Variants in TMEM132B observed in about 807,000 individuals in gnomAD.
The protein encoded by TMEM132B is transmembrane protein 132B.
TMEM132B carries 18 observed loss-of-function variants against 90.8 expected under a neutral mutation model. The ratio of observed to expected loss-of-function variants is 0.20; its 90% CI spans 0.14 to 0.29. The LOEUF is 0.29. Among genes scored for constraint, TMEM132B ranks in the 10% least tolerant of loss-of-function variants. The pLI is 1.00. For synonymous variants in TMEM132B, 504 were observed against 523.3 expected, an observed-to-expected ratio of 0.96 and a Z score of 0.50; for missense variants, 1,096 against 1,326.8, an observed-to-expected ratio of 0.83 and a Z score of 2.70.
chr12:125,218,585 G>A (rs144425597), intron 1 of TMEM132B, among the ~76,000 whole-genome samples: 10 of 152,140 alleles, frequency 6.6e-5, no homozygotes, highest in Middle Eastern at 3.4e-3. Flanking sequence ...GTTGTGACTC[G>A]GATTTGGTTG....
intron 4 of TMEM132B, among the ~76,000 whole-genome samples, chr12:125,540,658 C>T (rs544708667): frequency 3.3e-5 from 5 of 152,326 alleles, no homozygotes; most frequent in African/African-American, 7.2e-5. Flanking sequence ...CCAGACTTTT[C>T]AGGACCTCTA....
chr12:125,391,390 G>T (rs1334106252), intron 2 of TMEM132B, among the ~76,000 whole-genome samples: 2 of 152,218 alleles, frequency 1.3e-5, no homozygotes, highest in Non-Finnish European at 2.9e-5. Context: ...TTAGTTGCCA[G>T]CTTTCCATAG....
At chr12:125,207,642 C>T (rs1873213263) in intron 1 of TMEM132B, among the ~76,000 whole-genome samples, 1 of 152,164 alleles carries the variant, frequency 6.6e-6, no homozygotes, top group Non-Finnish European at 1.5e-5. Context: ...GCATCGAGCA[C>T]ATTCTCACTG....
chr12:125,254,059 G>T (rs982518486), intron 1 of TMEM132B, among the ~76,000 whole-genome samples: 4 of 152,158 alleles, frequency 2.6e-5, no homozygotes, highest in Admixed American at 2.6e-4. Flanking sequence ...GGAGGCCGAG[G>T]CGGGAGGATT....
chr12:125,625,355 T>G (rs1792178114), intron 5 of TMEM132B, among the ~76,000 whole-genome samples: 1 of 151,934 alleles, frequency 6.6e-6, no homozygotes, highest in Admixed American at 6.6e-5. Flanking sequence ...GGATGGTCTC[T>G]ATCTCGTGAC....
intron 3 of TMEM132B, among the ~76,000 whole-genome samples, chr12:125,486,713 C>G (rs571185632): frequency 6.6e-6 from 1 of 152,290 alleles, no homozygotes; most frequent in South Asian, 2.1e-4. Flanking sequence ...TCTGAGGGTT[C>G]GGTCACTGTA....
At chr12:125,191,144 T>G (rs1334491350) in intron 1 of TMEM132B, among the ~76,000 whole-genome samples, 2 of 86,602 alleles carry the variant, frequency 2.3e-5, no homozygotes, top group Non-Finnish European at 4.4e-5. Context: ...GGGAAAGGGG[T>G]GGTGATGGTG....
intron 3 of TMEM132B, among the ~76,000 whole-genome samples, chr12:125,487,376 A>T (rs1593170301): frequency 2.0e-5 from 3 of 152,314 alleles, no homozygotes; most frequent in Admixed American, 2.0e-4. Flanking sequence ...TAGGGTAATT[A>T]ATGTTAGCTG....
intron 3 of TMEM132B, among the ~76,000 whole-genome samples, chr12:125,481,827 G>A (rs1314361243): frequency 1.3e-5 from 2 of 152,140 alleles, no homozygotes; most frequent in Admixed American, 6.5e-5. Context: ...AAAGCTGGAG[G>A]CATCGCACTA....
intron 3 of TMEM132B, among the ~76,000 whole-genome samples, chr12:125,425,626 C>T (rs1880295660): frequency 1.3e-5 from 2 of 152,210 alleles, no homozygotes; most frequent in Non-Finnish European, 2.9e-5. Context: ...CCCTGAACTC[C>T]TGGCAACCAC....
At chr12:125,247,200 G>A (rs976313419) in intron 1 of TMEM132B, among the ~76,000 whole-genome samples, 3 of 152,160 alleles carry the variant, frequency 2.0e-5, no homozygotes, top group African/African-American at 7.2e-5. Context: ...TGAACTTCTG[G>A]AGTTGTTCAG....
chr12:125,246,480 C>T lies in TMEM132B; in HGVS notation c.67+59614C>T, dbSNP rs945616423. Among the ~76,000 whole-genome samples the T allele has an allele frequency of 3.9e-5, 6 of 152,154 alleles. No individual in the cohort carries two copies. Among genetic ancestry groups the T allele is most frequent in the Non-Finnish European group, 8.8e-5 (6 of 68,008 alleles). On this transcript the variant is annotated intron_variant, in intron 1 of 8. Coordinates refer to ENST00000682704, the MANE Select transcript of TMEM132B (RefSeq NM_001366854.1). This position sits in a 1 kb window ranked among gnomAD's most constrained non-coding sequence, Gnocchi z 4.2. ...GATGCCTTGTTTCGAAACAGCGTGC[C>T]GGTGTTATGATTGTGATTACTATTA...
intron 1 of TMEM132B, among the ~76,000 whole-genome samples, chr12:125,216,588 TG>T (rs1873443531): frequency 6.6e-6 from 1 of 152,238 alleles, no homozygotes; most frequent in Admixed American, 6.5e-5. Context: ...AGCCTGGCAT[TG>T]CCCTTGGAAT....
intron 1 of TMEM132B, among the ~76,000 whole-genome samples, chr12:125,269,713 G>A (rs1372008877): frequency 1.3e-5 from 2 of 152,124 alleles, no homozygotes; most frequent in Non-Finnish European, 2.9e-5. Context: ...TTGGCTGCAG[G>A]GAACTGAGAC....
intron 4 of TMEM132B, among the ~76,000 whole-genome samples, chr12:125,565,122 C>T (rs937445632): frequency 6.6e-5 from 10 of 152,168 alleles, no homozygotes; most frequent in East Asian, 1.9e-4. Context: ...TCACCCTCTA[C>T]AGATAAAGAA....
At chr12:125,451,101 C>T (rs1193324005) in intron 3 of TMEM132B, among the ~76,000 whole-genome samples, 1 of 152,094 alleles carries the variant, frequency 6.6e-6, no homozygotes, top group Non-Finnish European at 1.5e-5. Context: ...TATGCAATAA[C>T]AGACACCACA....
intron 3 of TMEM132B, among the ~76,000 whole-genome samples, chr12:125,469,190 T>C (rs1188935092): frequency 6.6e-6 from 1 of 152,242 alleles, no homozygotes; most frequent in Non-Finnish European, 1.5e-5. Context: ...TTTTTCACCA[T>C]TGAGTATGAT....
In TMEM132B at chr12:125,644,429, G is replaced by T; in HGVS notation, c.1643+148G>T. On this transcript the variant is annotated intron_variant, in intron 6 of 8. Coordinates refer to ENST00000682704, the MANE Select transcript of TMEM132B (RefSeq NM_001366854.1). ...CTGGGCTTTGGGTTCAGATGGATCT[G>T]ACTTGAGTACTTACTAGCACCTTGA... 5 of 720,494 alleles carry T rather than the reference G, an allele frequency of 6.9e-6. No individual in the cohort carries two copies. In the South Asian group the frequency reaches 9.4e-5, roughly 14 times the overall value. 44.6% of individuals were successfully genotyped at this position (720,494 alleles called of 1,614,324 possible). A position where few individuals can be genotyped will look rare whatever the true frequency, so the allele number is the denominator to read the frequency against.
chr12:125,357,657 C>T (rs763473434), intron 2 of TMEM132B, among the ~76,000 whole-genome samples: 15 of 152,212 alleles, frequency 9.9e-5, no homozygotes, highest in Non-Finnish European at 1.9e-4. Context: ...GTGGCCTGGT[C>T]TCTGTAGAAG....
Sources: gnomAD v4.1 joint callset for allele counts (sites outside exome capture counted in the v4.1 genomes callset) on GRCh38, gnomAD v4.1.1 for gene constraint, Gnocchi (gnomAD v3.1) non-coding constraint, MANE v1.5 for transcripts, NCBI Gene and HGNC (gene_info 2026-07-23, HGNC 2026-07-21) for gene names.